The following TMEM45A variants were observed in gnomAD, a reference collection of about 807,000 sequenced individuals.
TMEM45A encodes transmembrane protein 45A.
Under a neutral mutation model 32.0 loss-of-function variants are expected in TMEM45A, and 25 were observed. The observed-to-expected ratio is 0.78, with a 90% CI of 0.57 to 1.09. TMEM45A has a LOEUF of 1.09. TMEM45A is among the 50% of genes least tolerant of loss of function. The pLI is 0.00. For missense variants in TMEM45A, 302 were observed against 325.0 expected (o/e 0.93, Z 0.54); for synonymous variants, 122 against 114.8 (o/e 1.06, Z -0.40).
chr3:100,562,647 G>A (rs1453607393), intron 4 of TMEM45A, among the ~76,000 whole-genome samples: 1 of 152,182 alleles, frequency 6.6e-6, no homozygotes, highest in Non-Finnish European at 1.5e-5. Context: ...TGGGCCTGCA[G>A]TTTAGACCAA....
At chr3:100,557,916 G>T (rs1257463195) in intron 3 of TMEM45A, among the ~76,000 whole-genome samples, 1 of 152,174 alleles carries the variant, frequency 6.6e-6, no homozygotes, top group Non-Finnish European at 1.5e-5. Context: ...GTATGTGTTT[G>T]CTTCCTCCAG....
At chr3:100,507,972 A>T (rs1260599879) in intron 1 of TMEM45A, among the ~76,000 whole-genome samples, 11 of 151,230 alleles carry the variant, frequency 7.3e-5, no homozygotes, top group Admixed American at 4.0e-4. Context: ...GATGTCAAAT[A>T]GAGTATTTAA....
chr3:100,566,048 T>G (rs972789601), intron 4 of TMEM45A, among the ~76,000 whole-genome samples: 1 of 152,240 alleles, frequency 6.6e-6, no homozygotes, highest in African/African-American at 2.4e-5. Context: ...TGTGTCTGGC[T>G]TCTTTTACTT....
intron 1 of TMEM45A, among the ~76,000 whole-genome samples, chr3:100,500,522 G>A (rs1227817416): frequency 6.6e-6 from 1 of 152,210 alleles, no homozygotes; most frequent in Non-Finnish European, 1.5e-5. Context: ...GCTCCTCTCT[G>A]TGAGCCATCA....
chr3:100,504,876 T>A (rs187447188), intron 1 of TMEM45A, among the ~76,000 whole-genome samples: 1 of 152,334 alleles, frequency 6.6e-6, no homozygotes, highest in East Asian at 1.9e-4. Flanking sequence ...AAAACTGTGC[T>A]TATGTAGTGT....
chr3:100,529,629 CT>C (rs1705609596), intron 1 of TMEM45A, among the ~76,000 whole-genome samples: 1 of 151,984 alleles, frequency 6.6e-6, no homozygotes, highest in African/African-American at 2.4e-5. Context: ...TTTATTTTTA[CT>C]TTTATTTTTG....
At chr3:100,558,827 G>C (rs1706274383) in intron 4 of TMEM45A, among the ~76,000 whole-genome samples, 1 of 152,170 alleles carries the variant, frequency 6.6e-6, no homozygotes. Context: ...CATTATGTAG[G>C]AACTCTGAGC....
chr3:100,548,022 G>A (rs1275107740), intron 1 of TMEM45A, among the ~76,000 whole-genome samples: 1 of 152,164 alleles, frequency 6.6e-6, no homozygotes, highest in Non-Finnish European at 1.5e-5. Flanking sequence ...GATGGTTTTA[G>A]TTATTTAAAC....
At chr3:100,544,165 G>A (rs1340054874) in intron 1 of TMEM45A, among the ~76,000 whole-genome samples, 1 of 151,716 alleles carries the variant, frequency 6.6e-6, no homozygotes, top group African/African-American at 2.4e-5. Flanking sequence ...CATAAAATAA[G>A]ATATGCAGGG....
At chr3:100,493,592 CTATATAG>C (rs1363537083) in intron 1 of TMEM45A, among the ~76,000 whole-genome samples, 1 of 151,252 alleles carries the variant, frequency 6.6e-6, no homozygotes, top group East Asian at 1.9e-4. Flanking sequence ...TATATATATA[CTATATAG>C]TATATATGCA....
intron 1 of TMEM45A, among the ~76,000 whole-genome samples, chr3:100,549,494 G>A: frequency 6.6e-6 from 1 of 152,332 alleles, no homozygotes; most frequent in East Asian, 1.9e-4. Context: ...TGGTAGGTGG[G>A]ATGGCAAGGT....
intron 1 of TMEM45A, among the ~76,000 whole-genome samples, chr3:100,495,278 A>C (rs1707907169): frequency 6.6e-6 from 1 of 152,188 alleles, no homozygotes; most frequent in Admixed American, 6.5e-5. Flanking sequence ...GGCTTCACAG[A>C]AGGGCTTGCG....
Position 100,560,777 on chromosome 3 carries a change from A to G in TMEM45A, c.588+2188A>G, listed in dbSNP as rs186341811. ...GAAACCCCAAGAGAGCGGAATTATA[A>G]ACATAAGAGCAGAATTAATGAAATT... On this transcript the variant is annotated intron_variant, in intron 4 of 5. Transcript: ENST00000323523. 2.5e-4 allele frequency among the ~76,000 whole-genome samples: 38 copies of G among 152,362 alleles called. 1 individual carries two copies. In the East Asian group the frequency reaches 7.1e-3, roughly 29 times the overall value.
At chr3:100,493,859 G>T (rs368651887) in intron 1 of TMEM45A, among the ~76,000 whole-genome samples, 10 of 152,090 alleles carry the variant, frequency 6.6e-5, no homozygotes, top group African/African-American at 1.9e-4. Flanking sequence ...AGCCTCCCAA[G>T]TAGCTGGGAT....
intron 1 of TMEM45A, among the ~76,000 whole-genome samples, chr3:100,542,486 G>A (rs187017017): frequency 3.2e-4 from 49 of 152,224 alleles, no homozygotes; most frequent in Admixed American, 1.4e-3. Flanking sequence ...ATCTTCTGCA[G>A]AGCAAAATAA....
intron 1 of TMEM45A, among the ~76,000 whole-genome samples, chr3:100,515,583 C>T (rs202219974): frequency 7.3e-5 from 11 of 150,170 alleles, no homozygotes; most frequent in Non-Finnish European, 1.6e-4. Context: ...TCATATGTAA[C>T]TAACCTGCAC....
intron 1 of TMEM45A, among the ~76,000 whole-genome samples, chr3:100,498,564 T>G (rs1707965040): frequency 6.6e-6 from 1 of 152,144 alleles, no homozygotes; most frequent in African/African-American, 2.4e-5. Flanking sequence ...AATCAATCTG[T>G]CCATGTATGT....
At position 100,555,302 on chromosome 3, in the gene TMEM45A, T is replaced by C; in HGVS notation, c.91T>C (p.Cys31Arg). The C allele has an allele frequency of 6.2e-7, 1 of 1,614,100 alleles. No homozygotes were observed. Among genetic ancestry groups the C allele is most frequent in the Non-Finnish European group, 8.5e-7 (1 of 1,179,978 alleles). The change falls in exon 2 of 6, where the codon TGC becomes CGC. Residue 31 changes from cysteine (C) to arginine (R), a missense_variant. Coordinates refer to ENST00000323523, the MANE Select transcript of TMEM45A (RefSeq NM_018004.3). The part of the protein sequence containing the change: ...WCTKSILKYI[C>R]KKQKRTCYLG... ...TACAAAGAGTATTCTGAAGTATATC[T>C]GCAAAAAGCAAAAGCGAACCTGCTA...
chr3:100,572,222 T>A lies in TMEM45A; in HGVS notation c.734+3255T>A, dbSNP rs894816949. The A allele has an allele frequency of 1.1e-3, 162 of 152,230 alleles. 1 individual carries two copies. The highest frequency in any genetic ancestry group is 3.8e-3 in the African/African-American group (157 of 41,510). The allele number at this position is 152,230 out of a possible 1,614,324, so 9.4% of individuals were successfully genotyped here. On this transcript the variant is annotated intron_variant, in intron 5 of 5. Transcript: ENST00000323523. ...CTAGTTTACAGTCCCACCAACAGTG[T>A]AAAAGTGTTCCTATTTCTCCACAAC...
Sources: gnomAD v4.1 joint callset for allele counts (sites outside exome capture counted in the v4.1 genomes callset) on GRCh38, gnomAD v4.1.1 for gene constraint, MANE v1.5 for transcripts, NCBI Gene and HGNC (gene_info 2026-07-23, HGNC 2026-07-21) for gene names.